MACO1: variants seen among roughly 807,000 people sequenced by gnomAD.
MACO1 encodes the protein macoilin.
In MACO1, 14 loss-of-function variants were observed where a neutral mutation model predicts 78.7. The ratio of observed to expected loss-of-function variants is 0.18; its 90% CI spans 0.12 to 0.28. The LOEUF is 0.28. MACO1 is among the 10% of genes least tolerant of loss of function. The pLI is 1.00. For synonymous variants in MACO1, 288 were observed against 291.6 expected (o/e 0.99, Z 0.12); for missense variants, 501 against 799.0 (o/e 0.63, Z 4.50).
At position 25,485,664 on chromosome 1, in the gene MACO1, G is replaced by A. The variant is rs180671602; in HGVS notation, c.1365G>A (p.Gln455=). Residue 455 remains glutamine (Q), a synonymous_variant, in exon 8 of 11, where the codon CAG becomes CAA. Coordinates refer to ENST00000374343, the MANE Select transcript of MACO1 (RefSeq NM_018202.6). The surrounding 1 kb of genome is among the most constrained non-coding windows in gnomAD (Gnocchi z 4.3). The part of the protein sequence containing the change: ...MKQKDKQNIS[Q]LEKKLKAEQE... ...AAAAAGACAAGCAGAATATCAGCCA[G>A]TTGGAGAAAAAGCTAAAAGCTGAGC... 20 of 1,614,186 alleles carry A rather than the reference G, an allele frequency of 1.2e-5. No homozygotes were observed. In the Admixed American group the frequency reaches 2.8e-4, roughly 23 times the overall value.
At position 25,465,040 on chromosome 1, in the gene MACO1, T is replaced by C. The variant is rs138326095; in HGVS notation, c.1154+6148T>C. Among the ~76,000 whole-genome samples the C allele has an allele frequency of 5.9e-3, 896 of 151,736 alleles. 5 individuals carry two copies. The highest frequency in any genetic ancestry group is 9.3e-3 in the Non-Finnish European group (634 of 67,952). ...ATTGCCCAAGCTGGTCTTGAACTCC[T>C]GTGCTCAAGTGATCAACCTGCCTCG... On this transcript the variant is annotated intron_variant, in intron 6 of 10. Coordinates refer to ENST00000374343, the MANE Select transcript of MACO1 (RefSeq NM_018202.6).
intron 6 of MACO1, among the ~76,000 whole-genome samples, chr1:25,482,774 C>T (rs1162656269): frequency 2.6e-5 from 4 of 152,176 alleles, no homozygotes; most frequent in African/African-American, 9.7e-5. Flanking sequence ...CCTTTCCTAG[C>T]CTAGAGTTCT....
intron 6 of MACO1, among the ~76,000 whole-genome samples, chr1:25,469,395 C>T (rs2043247522): frequency 6.6e-6 from 1 of 152,108 alleles, no homozygotes. Context: ...CTTTCTAGCC[C>T]ACTTAAACCT....
At chr1:25,447,603 A>AT (rs1214806878) in intron 2 of MACO1, among the ~76,000 whole-genome samples, 1 of 152,254 alleles carries the variant, frequency 6.6e-6, no homozygotes, top group Non-Finnish European at 1.5e-5. Flanking sequence ...AGACACCTAC[A>AT]TTCTCATATC....
At chr1:25,449,073 T>C in intron 3 of MACO1, 139 bp downstream of exon 3, 1 of 639,526 alleles carries the variant, frequency 1.6e-6, no homozygotes, top group African/African-American at 1.9e-5. Flanking sequence ...GGTTATAATA[T>C]ACCTTCAAAA....
At chr1:25,451,331 G>A (rs2043064012) in intron 3 of MACO1, among the ~76,000 whole-genome samples, 1 of 152,010 alleles carries the variant, frequency 6.6e-6, no homozygotes, top group South Asian at 2.1e-4. Flanking sequence ...TTTCCTGGTG[G>A]TTAAGAGGGG....
chr1:25,435,509 A>T (rs1036697780), intron 1 of MACO1, among the ~76,000 whole-genome samples: 48 of 152,130 alleles, frequency 3.2e-4, no homozygotes, highest in African/African-American at 1.0e-3. Flanking sequence ...CAGAGGTTTC[A>T]TTTGACTGCT....
intron 3 of MACO1, among the ~76,000 whole-genome samples, chr1:25,452,001 A>G (rs1346915501): frequency 6.6e-6 from 1 of 151,792 alleles, no homozygotes; most frequent in Non-Finnish European, 1.5e-5. Flanking sequence ...TGTTAAATTC[A>G]TAAGAGTGGT....
chr1:25,453,445 C>G (rs949912156), intron 3 of MACO1, among the ~76,000 whole-genome samples: 1 of 150,902 alleles, frequency 6.6e-6, no homozygotes, highest in African/African-American at 2.4e-5. Context: ...GGGCGGATCA[C>G]GAGGTCAGCA....
In MACO1 at chr1:25,484,285, C is replaced by G; in HGVS notation, c.1313+11C>G. The G allele has an allele frequency of 6.3e-7, 1 of 1,579,830 alleles. No individual in the cohort carries two copies. The highest frequency in any genetic ancestry group is 8.6e-7 in the Non-Finnish European group (1 of 1,165,820). On this transcript the variant is annotated intron_variant, in intron 7 of 10. Transcript: ENST00000374343. ...GCTGCTGCAGAACAAGTACGTGCAC[C>G]TTTCAGGCCTTTGGCCGTAAGCCCG... is the stretch of plus-strand genomic sequence containing the variant.
chr1:25,447,833 T>C (rs1321714036), intron 2 of MACO1, among the ~76,000 whole-genome samples: 1 of 152,190 alleles, frequency 6.6e-6, no homozygotes, highest in Non-Finnish European at 1.5e-5. Context: ...AGGCCTGGGC[T>C]TGTTCCCTTG....
chr1:25,441,464 C>T (rs1255339904), intron 1 of MACO1, among the ~76,000 whole-genome samples: 2 of 152,144 alleles, frequency 1.3e-5, no homozygotes, highest in Admixed American at 6.5e-5. Flanking sequence ...GGATTATAGG[C>T]GTGAGCCACT....
chr1:25,436,031 A>G (rs901233888), intron 1 of MACO1, among the ~76,000 whole-genome samples: 1 of 152,178 alleles, frequency 6.6e-6, no homozygotes, highest in African/African-American at 2.4e-5. Flanking sequence ...TTCACTTCAC[A>G]TTATTTGCTT....
At chr1:25,431,489 C>T (rs994212368) in intron 1 of MACO1, among the ~76,000 whole-genome samples, 7 of 151,498 alleles carry the variant, frequency 4.6e-5, no homozygotes, top group Admixed American at 2.0e-4. Context: ...GCCCGGCGTT[C>T]CTCAGCATCC....
At chr1:25,435,222 C>CT (rs2042909041) in intron 1 of MACO1, among the ~76,000 whole-genome samples, 1 of 152,074 alleles carries the variant, frequency 6.6e-6, no homozygotes, top group Non-Finnish European at 1.5e-5. Flanking sequence ...TTTAAGACTG[C>CT]TTCCTGTCTT....
At chr1:25,460,398 C>T (rs1051079736) in intron 6 of MACO1, among the ~76,000 whole-genome samples, 3 of 151,862 alleles carry the variant, frequency 2.0e-5, no homozygotes, top group African/African-American at 7.3e-5. Flanking sequence ...ATCCTTTCTC[C>T]TACACATGTT....
intron 2 of MACO1, among the ~76,000 whole-genome samples, chr1:25,447,572 T>C (rs2043027168): frequency 6.6e-6 from 1 of 152,208 alleles, no homozygotes; most frequent in Admixed American, 6.5e-5. Flanking sequence ...TGTAAATCTC[T>C]TTAATATTTG....
intron 6 of MACO1, among the ~76,000 whole-genome samples, chr1:25,464,678 A>C (rs1199417808): frequency 7.5e-6 from 1 of 133,380 alleles, no homozygotes; most frequent in Non-Finnish European, 1.6e-5. Flanking sequence ...CCTCCGCGAA[A>C]TGGAATCTTG....
At chr1:25,473,378 C>T (rs962740337) in intron 6 of MACO1, among the ~76,000 whole-genome samples, 1 of 151,950 alleles carries the variant, frequency 6.6e-6, no homozygotes, top group Non-Finnish European at 1.5e-5. Context: ...AAACAGTTTA[C>T]CGAATGTCTC....
Sources: gnomAD v4.1 joint callset for allele counts (sites outside exome capture counted in the v4.1 genomes callset) on GRCh38, gnomAD v4.1.1 for gene constraint, Gnocchi (gnomAD v3.1) non-coding constraint, MANE v1.5 for transcripts, NCBI Gene and HGNC (gene_info 2026-07-23, HGNC 2026-07-21) for gene names.